CFAP77: variants seen among roughly 807,000 people sequenced by gnomAD.
CFAP77 encodes cilia and flagella associated protein 77, also known as cilia- and flagella-associated protein 77.
CFAP77 carries 25 observed loss-of-function variants against 31.1 expected under a neutral mutation model. The observed-to-expected ratio is 0.80, with a 90% CI of 0.59 to 1.12. CFAP77 has a LOEUF of 1.12. CFAP77 is among the 50% of genes most tolerant of loss of function. CFAP77 has a pLI of 0.00. For missense variants in CFAP77, 377 were observed against 397.3 expected, an observed-to-expected ratio of 0.95 and a Z score of 0.44; for synonymous variants, 151 against 159.9, an observed-to-expected ratio of 0.94 and a Z score of 0.42.
chr9:132,483,406 C>T (rs1564221667), intron 1 of CFAP77, among the ~76,000 whole-genome samples: 1 of 152,206 alleles, frequency 6.6e-6, no homozygotes, highest in African/African-American at 2.4e-5. Flanking sequence ...CAAGGAGCGT[C>T]GAGCCCCTGA....
chr9:132,459,841 GTA>G (rs1851017113), intron 1 of CFAP77, among the ~76,000 whole-genome samples: 2 of 148,518 alleles, frequency 1.3e-5, no homozygotes, highest in African/African-American at 5.0e-5. Flanking sequence ...ATGTGTGGGA[GTA>G]TTGTGAGTCT....
At chr9:132,560,346 G>T (rs1009454153) in intron 5 of CFAP77, among the ~76,000 whole-genome samples, 10 of 152,158 alleles carry the variant, frequency 6.6e-5, no homozygotes, top group African/African-American at 2.4e-4. Context: ...TTCACCTGCA[G>T]CCTATTGAGC....
intron 1 of CFAP77, among the ~76,000 whole-genome samples, chr9:132,474,356 G>A (rs957839562): frequency 2.6e-5 from 4 of 152,046 alleles, no homozygotes; most frequent in South Asian, 2.1e-4. Context: ...TCACTCACTC[G>A]TTCACCCAAA....
At chr9:132,420,028 G>A (rs1002590219) in intron 1 of CFAP77, among the ~76,000 whole-genome samples, 1 of 151,986 alleles carries the variant, frequency 6.6e-6, no homozygotes, top group African/African-American at 2.4e-5. Context: ...GGGTGTGGTA[G>A]TGTGCACCTG....
At chr9:132,562,963 G>A (rs1829838732) in intron 5 of CFAP77, among the ~76,000 whole-genome samples, 1 of 152,060 alleles carries the variant, frequency 6.6e-6, no homozygotes, top group Non-Finnish European at 1.5e-5. Context: ...CTCCCAAAGT[G>A]CTGGGATTAC....
Position 132,552,681 on chromosome 9 carries a change from G to C in CFAP77, c.732+9634G>C, listed in dbSNP as rs980544502. On this transcript the variant is annotated intron_variant, in intron 5 of 5. Coordinates refer to ENST00000393216, the MANE Select transcript of CFAP77 (RefSeq NM_001282957.2). This position sits in a 1 kb window ranked among gnomAD's most constrained non-coding sequence, Gnocchi z 5.5. ...ACTGCACTCCAGCCCAGGTGACAGGGTGAGACTCCATCTCAAAAAAAAAAA... is the reference window on the plus strand; with the variant it reads ...ACTGCACTCCAGCCCAGGTGACAGGCTGAGACTCCATCTCAAAAAAAAAAA... Among the ~76,000 whole-genome samples, 2 of 149,030 alleles carry C rather than the reference G, an allele frequency of 1.3e-5. No individual in the cohort carries two copies. Among genetic ancestry groups the C allele is most frequent in the African/African-American group, 5.0e-5 (2 of 39,770 alleles).
intron 1 of CFAP77, among the ~76,000 whole-genome samples, chr9:132,411,382 C>T (rs1054666451): frequency 6.6e-6 from 1 of 152,140 alleles, no homozygotes; most frequent in Admixed American, 6.5e-5. Flanking sequence ...GTGGTGGTGG[C>T]GGTTTGTTTT....
intron 1 of CFAP77, among the ~76,000 whole-genome samples, chr9:132,418,597 C>T (rs561265831): frequency 2.0e-5 from 3 of 152,294 alleles, no homozygotes; most frequent in African/African-American, 7.2e-5. Flanking sequence ...TTTCGTTTCC[C>T]GAGCAATGTA....
At chr9:132,417,194 A>T (rs528653251) in intron 1 of CFAP77, among the ~76,000 whole-genome samples, 6 of 149,948 alleles carry the variant, frequency 4.0e-5, no homozygotes, top group Non-Finnish European at 8.9e-5. Flanking sequence ...GGCTCACTGC[A>T]ACGTCTGCCT....
chr9:132,472,414 C>T (rs1851275763), intron 1 of CFAP77, among the ~76,000 whole-genome samples: 1 of 152,190 alleles, frequency 6.6e-6, no homozygotes, highest in South Asian at 2.1e-4. Context: ...TTAGGCATAG[C>T]ACAGTGATAA....
At chr9:132,534,780 A>C (rs527846735) in intron 3 of CFAP77, among the ~76,000 whole-genome samples, 3 of 152,316 alleles carry the variant, frequency 2.0e-5, no homozygotes, top group African/African-American at 7.2e-5. Flanking sequence ...TTTTCCCACC[A>C]GAATTATGCA....
intron 1 of CFAP77, among the ~76,000 whole-genome samples, chr9:132,427,713 C>T (rs1378194693): frequency 6.6e-6 from 1 of 152,196 alleles, no homozygotes; most frequent in Non-Finnish European, 1.5e-5. Flanking sequence ...AGGATCTGTT[C>T]CAGGCCTCTC....
intron 1 of CFAP77, among the ~76,000 whole-genome samples, chr9:132,415,828 G>A (rs1589836695): frequency 1.3e-5 from 2 of 152,250 alleles, no homozygotes; most frequent in South Asian, 4.1e-4. Flanking sequence ...ACTGTTCTGT[G>A]GTCTTCAGGA....
chr9:132,507,270 T>G (rs1473116546), intron 3 of CFAP77, among the ~76,000 whole-genome samples: 1 of 151,960 alleles, frequency 6.6e-6, no homozygotes, highest in African/African-American at 2.4e-5. Context: ...CTTCGTGGAG[T>G]TGCTGAATGA....
At chr9:132,543,168 C>T (rs1407042305) in intron 5 of CFAP77, 121 bp downstream of exon 5, 7 of 749,788 alleles carry the variant, frequency 9.3e-6, no homozygotes, top group South Asian at 7.9e-5. Context: ...GTACAACAGC[C>T]GCAGCAGCAA....
At chr9:132,471,888 A>ATTG (rs975452942) in intron 1 of CFAP77, among the ~76,000 whole-genome samples, 1 of 151,942 alleles carries the variant, frequency 6.6e-6, no homozygotes, top group African/African-American at 2.4e-5. Flanking sequence ...TATTATTATT[A>ATTG]TTATTTTTGT....
rs1447826020 is a variant in CFAP77 at position 132,545,206 on chromosome 9, G to T, written c.732+2159G>T. On this transcript the variant is annotated intron_variant, in intron 5 of 5. Transcript: ENST00000393216. The surrounding 1 kb of genome is among the most constrained non-coding windows in gnomAD (Gnocchi z 4.6). ...GACCGTTGTTCTGAAATATGATTAT[G>T]AACAATAGCAAACCAGGAATGATGG... 1.3e-5 allele frequency among the ~76,000 whole-genome samples: 2 copies of T among 152,230 alleles called. No individual in the cohort carries two copies. The highest frequency in any genetic ancestry group is 6.5e-5 in the Admixed American group (1 of 15,284).
intron 1 of CFAP77, among the ~76,000 whole-genome samples, chr9:132,458,102 C>T (rs2131721543): frequency 6.6e-6 from 1 of 152,292 alleles, no homozygotes; most frequent in Middle Eastern, 3.4e-3. Flanking sequence ...GAGATGTGGG[C>T]CTCCTTCTTA....
Position 132,499,295 on chromosome 9 carries a change from A to T in CFAP77, c.296-77A>T. ...GAAGGCCGAGGACCCGCGTGCCCCC[A>T]TTTCTTCTCGATCAGCTGCCTCAGG... On this transcript the variant is annotated intron_variant, in intron 2 of 5. Coordinates refer to ENST00000393216, the MANE Select transcript of CFAP77 (RefSeq NM_001282957.2). This position sits in a 1 kb window ranked among gnomAD's most constrained non-coding sequence, Gnocchi z 5.4. 1.5e-6 allele frequency: 2 copies of T among 1,362,496 alleles called. No homozygotes were observed. Among genetic ancestry groups the T allele is most frequent in the South Asian group, 2.5e-5 (2 of 80,174 alleles). The allele number at this position is 1,362,496 out of a possible 1,614,324, so 84.4% of individuals were successfully genotyped here. A position where few individuals can be genotyped will look rare whatever the true frequency, so the allele number is the denominator to read the frequency against.
Sources: allele counts gnomAD v4.1 joint callset (sites outside exome capture counted in the v4.1 genomes callset), GRCh38; gene constraint gnomAD v4.1.1; non-coding constraint Gnocchi (gnomAD v3.1); transcripts MANE v1.5; gene names NCBI Gene and HGNC (gene_info 2026-07-23, HGNC 2026-07-21).